KIAA1217: variants seen among roughly 807,000 people sequenced by gnomAD.
KIAA1217 encodes sickle tail protein homolog.
A neutral mutation model predicts 163.9 loss-of-function variants in KIAA1217; 88 were observed. The ratio of observed to expected loss-of-function variants is 0.54; its 90% CI spans 0.45 to 0.64. The LOEUF is 0.64. Ranked by LOEUF, KIAA1217 falls within the 30% of genes least tolerant of loss-of-function variation. KIAA1217 has a pLI of 0.00. For synonymous variants in KIAA1217, 903 were observed against 923.1 expected (o/e 0.98, Z 0.39); for missense variants, 2,372 against 2,475.0 (o/e 0.96, Z 0.88).
intron 1 of KIAA1217, among the ~76,000 whole-genome samples, chr10:23,746,649 T>C (rs1246622258): frequency 6.6e-6 from 1 of 152,072 alleles, no homozygotes; most frequent in Admixed American, 6.6e-5. Context: ...GGTCCCGATC[T>C]CCTGACCTTG....
intron 17 of KIAA1217, among the ~76,000 whole-genome samples, chr10:24,541,283 T>C (rs1370100917): frequency 6.6e-6 from 1 of 151,976 alleles, no homozygotes; most frequent in Non-Finnish European, 1.5e-5. Flanking sequence ...AGAAGCCATG[T>C]GGCTCCGCTG....
chr10:24,109,384 C>CTTT (rs113325699), intron 2 of KIAA1217, among the ~76,000 whole-genome samples: 4,063 of 147,670 alleles, frequency 0.028, 174 homozygotes, highest in African/African-American at 0.095. Flanking sequence ...ACTGTGGTCT[C>CTTT]TTTTTTTTTT....
At chr10:23,977,738 T>C (rs1022944920) in intron 1 of KIAA1217, among the ~76,000 whole-genome samples, 2 of 152,246 alleles carry the variant, frequency 1.3e-5, no homozygotes, top group Non-Finnish European at 2.9e-5. Context: ...AATGTTATTT[T>C]CTGTATTAAT....
chr10:23,724,201 T>TA (rs1467890799), intron 1 of KIAA1217, among the ~76,000 whole-genome samples: 1 of 152,150 alleles, frequency 6.6e-6, no homozygotes, highest in Non-Finnish European at 1.5e-5. Context: ...GGGTTACAAT[T>TA]AGATGTGAGA....
In KIAA1217 at chr10:24,290,882, A is replaced by C. The variant is rs189747826; in HGVS notation, c.354+70973A>C. 3.5e-4 allele frequency among the ~76,000 whole-genome samples: 53 copies of C among 152,236 alleles called. No individual in the cohort carries two copies. The East Asian group carries it at 9.5e-3, about 27-fold the overall frequency. On this transcript the variant is annotated intron_variant, in intron 2 of 20. Transcript: ENST00000376454. ...CTCCCAAAGTGCTGGGATTACAGGC[A>C]TGATCCACCGTGCCTGGCCATGAAG... is the stretch of plus-strand genomic sequence containing the variant.
At chr10:23,842,740 C>T (rs1838845401) in intron 1 of KIAA1217, among the ~76,000 whole-genome samples, 2 of 151,924 alleles carry the variant, frequency 1.3e-5, no homozygotes, top group African/African-American at 4.8e-5. Context: ...ATTAAGTCAT[C>T]TCTGTTGAGA....
chr10:24,330,937 A>G (rs949331161), intron 2 of KIAA1217, among the ~76,000 whole-genome samples: 3 of 151,642 alleles, frequency 2.0e-5, no homozygotes, highest in Admixed American at 1.3e-4. Context: ...TTTATCTTAT[A>G]TATATTTTTT....
At chr10:24,399,350 T>C (rs2056241047) in intron 3 of KIAA1217, among the ~76,000 whole-genome samples, 1 of 152,206 alleles carries the variant, frequency 6.6e-6, no homozygotes, top group Admixed American at 6.5e-5. Flanking sequence ...TTTTAACTTA[T>C]TCTTTTTACC....
At chr10:23,710,098 A>G (rs1206892719) in intron 1 of KIAA1217, among the ~76,000 whole-genome samples, 3 of 152,200 alleles carry the variant, frequency 2.0e-5, no homozygotes, top group Admixed American at 6.5e-5. Flanking sequence ...AAGAACATGA[A>G]TGAATGAAGG....
rs143741725 is a variant in KIAA1217 at position 24,274,526 on chromosome 10, T to C, written c.354+54617T>C. Among the ~76,000 whole-genome samples, 46 of 152,354 alleles carry C rather than the reference T, an allele frequency of 3.0e-4. 1 individual carries two copies. The East Asian group carries it at 8.5e-3, about 28-fold the overall frequency. Reference sequence around the variant, plus strand: ...GTCTTCCTACAAGTCCTATTTTACATACTTATGGCATTTTTACTGCAGTTT... The same window carrying C: ...GTCTTCCTACAAGTCCTATTTTACACACTTATGGCATTTTTACTGCAGTTT... On this transcript the variant is annotated intron_variant, in intron 2 of 20. Transcript: ENST00000376454.
chr10:23,765,667 G>T (rs1834482470), intron 1 of KIAA1217, among the ~76,000 whole-genome samples: 1 of 152,156 alleles, frequency 6.6e-6, no homozygotes. Flanking sequence ...GTTCTCACAA[G>T]ATCTGATGGC....
intron 1 of KIAA1217, among the ~76,000 whole-genome samples, chr10:23,769,982 G>A (rs1265418813): frequency 2.0e-5 from 3 of 152,148 alleles, no homozygotes; most frequent in Non-Finnish European, 4.4e-5. Flanking sequence ...TTAATTATAG[G>A]CATTTACAAA....
intron 1 of KIAA1217, among the ~76,000 whole-genome samples, chr10:23,866,565 T>A (rs1840194960): frequency 3.3e-5 from 5 of 152,008 alleles, no homozygotes; most frequent in Non-Finnish European, 1.5e-5. Flanking sequence ...AGCTGTACCC[T>A]TTTCCCAGGC....
chr10:23,810,831 A>G lies in KIAA1217; in HGVS notation c.-321+115597A>G, dbSNP rs370590494. On this transcript the variant is annotated intron_variant, in intron 1 of 18. Transcript: ENST00000376462. ...CCAAATACTAATTATTATATATACTATATATTATATGGTATATATATTATA... is the reference window on the plus strand; with the variant it reads ...CCAAATACTAATTATTATATATACTGTATATTATATGGTATATATATTATA... Among the ~76,000 whole-genome samples, 15 of 124,200 alleles carry G rather than the reference A, an allele frequency of 1.2e-4. No homozygotes were observed. In the East Asian group the frequency reaches 3.2e-3, roughly 27 times the overall value. The allele number at this position is 124,200 out of a possible 152,430, so 81.5% of individuals were successfully genotyped here.
intron 2 of KIAA1217, among the ~76,000 whole-genome samples, chr10:24,141,788 C>A (rs555055531): frequency 1.3e-5 from 2 of 152,154 alleles, no homozygotes; most frequent in African/African-American, 4.8e-5. Flanking sequence ...TGAACCCAAC[C>A]AGGTCATATG....
chr10:23,715,474 C>T (rs1837508542), intron 1 of KIAA1217, among the ~76,000 whole-genome samples: 1 of 152,080 alleles, frequency 6.6e-6, no homozygotes, highest in Non-Finnish European at 1.5e-5. Flanking sequence ...GTAAGTAAAA[C>T]TTATTTTGGC....
chr10:23,873,373 G>A (rs1250267079), intron 1 of KIAA1217, among the ~76,000 whole-genome samples: 1 of 151,988 alleles, frequency 6.6e-6, no homozygotes, highest in Non-Finnish European at 1.5e-5. Context: ...GGCTCTTAAA[G>A]AAATGTGATT....
rs144709936 is a variant in KIAA1217 at position 23,871,310 on chromosome 10, T to C, written c.-320-135915T>C. On this transcript the variant is annotated intron_variant, in intron 1 of 18. Transcript: ENST00000376462. ...GCAAATAGAAGAGATAGTCAGTTTC[T>C]AGTTTCCTCTACCCTATTTTTAGGT... Among the ~76,000 whole-genome samples the C allele has an allele frequency of 9.8e-4, 149 of 152,202 alleles. 1 individual carries two copies. The East Asian group carries it at 0.027, about 28-fold the overall frequency.
intron 2 of KIAA1217, among the ~76,000 whole-genome samples, chr10:24,165,963 C>T (rs1277046643): frequency 6.6e-6 from 1 of 152,146 alleles, no homozygotes; most frequent in Non-Finnish European, 1.5e-5. Context: ...CAAGACACAC[C>T]CTTGGTGCTG....
Sources: allele counts gnomAD v4.1 joint callset (sites outside exome capture counted in the v4.1 genomes callset), GRCh38; gene constraint gnomAD v4.1.1; transcripts MANE v1.5; gene names NCBI Gene and HGNC (gene_info 2026-07-23, HGNC 2026-07-21).